The following SF3B3 variants were observed in gnomAD, a reference collection of about 807,000 sequenced individuals.
SF3B3 encodes the protein splicing factor 3b subunit 3, also known as SAP 130.
SF3B3 carries 33 observed loss-of-function variants against 139.2 expected under a neutral mutation model. The observed-to-expected ratio is 0.24, with a 90% CI of 0.18 to 0.32. SF3B3 has a LOEUF of 0.32. Ranked by LOEUF, SF3B3 falls within the 10% of genes least tolerant of loss-of-function variation. SF3B3 has a pLI of 1.00. For missense variants in SF3B3, 818 were observed against 1,509.4 expected (o/e 0.54, Z 7.59); for synonymous variants, 596 against 563.6 (o/e 1.06, Z -0.81).
chr16:70,569,278 T>TAAG, intron 23 of SF3B3, 137 bp downstream of exon 23: 1 of 587,860 alleles, frequency 1.7e-6, no homozygotes, highest in Admixed American at 3.2e-5. Context: ...AGTCCTTTCT[T>TAAG]ACCAATCTGC....
At chr16:70,569,979 A>C in intron 23 of SF3B3, 27 bp from the exon 24 acceptor site, 3 of 1,613,522 alleles carry the variant, frequency 1.9e-6, no homozygotes, top group Non-Finnish European at 2.5e-6. Flanking sequence ...GGGTGCACAC[A>C]GTCACTAGTC....
chr16:70,550,743 CA>C, intron 11 of SF3B3: 1 of 835,244 alleles, frequency 1.2e-6, no homozygotes, highest in Non-Finnish European at 1.4e-6. Flanking sequence ...GGGACCTGCA[CA>C]AAATATTGAG....
chr16:70,553,390 A>C (rs2151788076), intron 11 of SF3B3, among the ~76,000 whole-genome samples: 1 of 152,282 alleles, frequency 6.6e-6, no homozygotes, highest in Non-Finnish European at 1.5e-5. Flanking sequence ...AGCTCTTGAC[A>C]AGTGCTTAGG....
At chr16:70,549,175 G>A (rs2050297812) in intron 11 of SF3B3, among the ~76,000 whole-genome samples, 1 of 152,224 alleles carries the variant, frequency 6.6e-6, no homozygotes, top group East Asian at 1.9e-4. Context: ...TGTGGGATGG[G>A]TGAGTAACAT....
At chr16:70,564,185 A>G (rs969643160) in intron 18 of SF3B3, 135 bp downstream of exon 18, 84 of 790,224 alleles carry the variant, frequency 1.1e-4, no homozygotes, top group East Asian at 4.8e-4. Context: ...AGCCTGGGCA[A>G]CATAGCAAAA....
intron 5 of SF3B3, among the ~76,000 whole-genome samples, chr16:70,534,345 C>G (rs1486877332): frequency 6.6e-6 from 1 of 152,166 alleles, no homozygotes; most frequent in Non-Finnish European, 1.5e-5. Flanking sequence ...GTGAAAGCTA[C>G]TGAAGGATTC....
intron 7 of SF3B3, 139 bp from the exon 8 acceptor site, chr16:70,538,965 C>G: frequency 1.5e-6 from 1 of 666,124 alleles, no homozygotes; most frequent in Non-Finnish European, 2.7e-6. Context: ...ATTGGCATGA[C>G]TGGCCCATGA....
chr16:70,554,947 T>G (rs2050365759), intron 12 of SF3B3, 104 bp from the exon 13 acceptor site: 1 of 1,078,308 alleles, frequency 9.3e-7, no homozygotes. Flanking sequence ...TCAAATGCAG[T>G]GGCCCCAGGT....
chr16:70,567,769 T>C (rs1235829332), intron 21 of SF3B3, among the ~76,000 whole-genome samples: 3 of 152,194 alleles, frequency 2.0e-5, no homozygotes, highest in Non-Finnish European at 4.4e-5. Context: ...CACTGCAACC[T>C]CCGCCTCCTG....
Position 70,569,090 on chromosome 16 carries a change from A to G in SF3B3, c.3213A>G (p.Thr1071=). 3 of 1,611,844 alleles carry G rather than the reference A, an allele frequency of 1.9e-6. No homozygotes were observed. Among genetic ancestry groups the G allele is most frequent in the Non-Finnish European group, 2.5e-6 (3 of 1,179,148 alleles). ...ATGATGAAGTAGATGAGGATCCTAC[A>G]GGAAACAAAGCCCTGTGGGACCGTG... ...NTNDEVDEDP[T]GNKALWDRGL... is the part of the protein sequence containing the mutation. The change falls in exon 23 of 26, where the codon ACA becomes ACG. Residue 1071 remains threonine (T), a synonymous_variant. Coordinates refer to ENST00000302516, the MANE Select transcript of SF3B3 (RefSeq NM_012426.5).
rs541522796 is a variant in SF3B3 at position 70,573,708 on chromosome 16, A to G, written c.*1895A>G. 6.6e-6 allele frequency: 1 copy of G among 152,364 alleles called. No individual in the cohort carries two copies. The highest frequency in any genetic ancestry group is 2.1e-4 in the South Asian group (1 of 4,828). 9.4% of individuals were successfully genotyped at this position (152,364 alleles called of 1,614,324 possible). ...ACTCCTGTGGTTTGATTGAGCAACC[A>G]GGTAAATAGAGACCTCTCTCCAGCT... On this transcript the variant is annotated 3_prime_UTR_variant, in exon 26 of 26. Transcript: ENST00000302516.
At chr16:70,538,160 T>A (rs2050186439) in intron 6 of SF3B3, 163 bp from the exon 7 acceptor site, 1 of 754,686 alleles carries the variant, frequency 1.3e-6, no homozygotes, top group Non-Finnish European at 2.4e-6. Context: ...ATTAGAATTT[T>A]GAGCTGTGGG....
At chr16:70,545,873 T>A (rs959670474) in intron 10 of SF3B3, among the ~76,000 whole-genome samples, 1 of 152,196 alleles carries the variant, frequency 6.6e-6, no homozygotes, top group Non-Finnish European at 1.5e-5. Context: ...ACATTGGTGT[T>A]TCAGGGAATT....
chr16:70,560,299 C>G (rs79296339), intron 15 of SF3B3, 170 bp from the exon 16 acceptor site: 6,337 of 554,474 alleles, frequency 0.011, 361 homozygotes, highest in African/African-American at 0.11. Flanking sequence ...AAGTGATTTA[C>G]TGAGAGAATG....
intron 25 of SF3B3, 44 bp from the exon 26 acceptor site, chr16:70,571,629 G>T (rs2050530484): frequency 6.3e-7 from 1 of 1,583,246 alleles, no homozygotes; most frequent in Non-Finnish European, 8.6e-7. Flanking sequence ...ATTTTCTTTG[G>T]GCATCTCACC....
Position 70,568,381 on chromosome 16 carries a change from T to C in SF3B3, c.3051T>C (p.Asn1017=), listed in dbSNP as rs1458340163. Residue 1017 remains asparagine (N), a synonymous_variant, in exon 22 of 26, where the codon AAT becomes AAC. Transcript: ENST00000302516. ...ESFIWVRYKR[N]ENQLIIFADD... ...TCATCTGGGTTCGCTACAAGCGTAATGAAAACCAGCTTATCATCTTTGCTG... is the reference window on the plus strand; with the variant it reads ...TCATCTGGGTTCGCTACAAGCGTAACGAAAACCAGCTTATCATCTTTGCTG... 1.2e-6 allele frequency: 2 copies of C among 1,613,964 alleles called. No homozygotes were observed. The highest frequency in any genetic ancestry group is 1.3e-5 in the African/African-American group (1 of 74,932).
Position 70,576,655 on chromosome 16 carries a change from G to A in SF3B3, c.*4842G>A, listed in dbSNP as rs111335679. ...TGGGGAATCTCAGCTTTAGGGAGTC[G>A]ATGATGTAACTGGAGAAAGGCAATG... On this transcript the variant is annotated 3_prime_UTR_variant, in exon 26 of 26. Coordinates refer to ENST00000302516, the MANE Select transcript of SF3B3 (RefSeq NM_012426.5). 28 of 152,166 alleles carry A rather than the reference G, an allele frequency of 1.8e-4. No individual in the cohort carries two copies. Among genetic ancestry groups the A allele is most frequent in the African/African-American group, 6.5e-4 (27 of 41,420 alleles). 9.4% of individuals were successfully genotyped at this position (152,166 alleles called of 1,614,324 possible). A position where few individuals can be genotyped will look rare whatever the true frequency, so the allele number is the denominator to read the frequency against.
intron 2 of SF3B3, among the ~76,000 whole-genome samples, chr16:70,528,650 C>T (rs1294587236): frequency 2.0e-5 from 3 of 151,948 alleles, no homozygotes; most frequent in African/African-American, 7.2e-5. Context: ...CGGAGTTTTG[C>T]TCTGTTGCCC....
At chr16:70,542,550 A>G (rs566566932) in intron 9 of SF3B3, among the ~76,000 whole-genome samples, 16 of 152,248 alleles carry the variant, frequency 1.1e-4, no homozygotes, top group African/African-American at 3.9e-4. Flanking sequence ...GTAGTTGATC[A>G]CACTTCTGAT....
Sources: allele counts gnomAD v4.1 joint callset (sites outside exome capture counted in the v4.1 genomes callset), GRCh38; gene constraint gnomAD v4.1.1; transcripts MANE v1.5; gene names NCBI Gene and HGNC (gene_info 2026-07-23, HGNC 2026-07-21).